Variants in ANO6 observed in about 807,000 individuals in gnomAD.
ANO6 encodes anoctamin 6, also known as anoctamin-6.
A neutral mutation model predicts 117.5 loss-of-function variants in ANO6; 106 were observed. The observed-to-expected ratio is 0.90, with a 90% CI of 0.77 to 1.06. ANO6 has a LOEUF of 1.06. ANO6 is among the 50% of genes least tolerant of loss of function. The probability of loss-of-function intolerance (pLI) is 0.00; values close to 1 mark genes in which losing one functional copy is unlikely to be tolerated. For synonymous variants in ANO6, 367 were observed against 385.1 expected (o/e 0.95, Z 0.55); for missense variants, 955 against 1,121.1 (o/e 0.85, Z 2.12).
At position 45,302,037 on chromosome 12, in the gene ANO6, A is replaced by T. The variant is rs147136935; in HGVS notation, c.94A>T (p.Ile32Phe). 4.9e-4 allele frequency: 790 copies of T among 1,613,926 alleles called. 1 individual carries two copies. In the African/African-American group the frequency reaches 9.2e-3, roughly 19 times the overall value. Reference sequence around the variant, plus strand: ...AGTGTTGGAAAACCTTGGACAGACAATTGTCCCCGATTTGGGATCACTGGA... The same window carrying T: ...AGTGTTGGAAAACCTTGGACAGACATTTGTCCCCGATTTGGGATCACTGGA... Reference protein sequence around the residue: ...DIVLENLGQTIVPDLGSLESQ... With the variant: ...DIVLENLGQTFVPDLGSLESQ... Residue 32 changes from isoleucine to phenylalanine, a missense_variant, in exon 2 of 20, where the codon ATT becomes TTT. Coordinates refer to ENST00000320560, the MANE Select transcript of ANO6 (RefSeq NM_001025356.3).
rs11182983 is a variant in ANO6, at chr12:45,331,006, G to A, written c.151-289G>A. On this transcript the variant is annotated intron_variant, in intron 2 of 19. Coordinates refer to ENST00000320560, the MANE Select transcript of ANO6 (RefSeq NM_001025356.3). ...TTTTCAATCTTGATATGCCTTTGCT[G>A]CTTGAGGTGAAAATAATTCTGGGAT... 0.069 allele frequency among the ~76,000 whole-genome samples: 10,402 copies of A among 151,574 alleles called. 562 individuals are homozygous for A. The highest frequency in any genetic ancestry group is 0.32 in the East Asian group (1,639 of 5,086).
chr12:45,245,142 A>T (rs1159685956), intron 1 of ANO6, among the ~76,000 whole-genome samples: 1 of 152,148 alleles, frequency 6.6e-6, no homozygotes, highest in Non-Finnish European at 1.5e-5. Context: ...GAAATTATGT[A>T]TGTGCCAGTT....
At chr12:45,221,588 A>G (rs1592831489) in intron 1 of ANO6, among the ~76,000 whole-genome samples, 1 of 152,186 alleles carries the variant, frequency 6.6e-6, no homozygotes, top group African/African-American at 2.4e-5. Flanking sequence ...GCTTTTGGAA[A>G]GATCTCCATG....
chr12:45,317,483 G>T (rs1274692751), intron 2 of ANO6, among the ~76,000 whole-genome samples: 9 of 151,638 alleles, frequency 5.9e-5, no homozygotes, highest in Admixed American at 4.0e-4. Flanking sequence ...AGTATTCCAT[G>T]GTGTATATGT....
At chr12:45,376,354 A>G (rs1320612273) in intron 9 of ANO6, among the ~76,000 whole-genome samples, 1 of 133,056 alleles carries the variant, frequency 7.5e-6, no homozygotes, top group Non-Finnish European at 1.6e-5. Flanking sequence ...ATTACTGGGT[A>G]TATACCCAAA....
intron 9 of ANO6, among the ~76,000 whole-genome samples, chr12:45,373,114 A>G (rs1161187103): frequency 6.6e-6 from 1 of 152,000 alleles, no homozygotes; most frequent in African/African-American, 2.4e-5. Flanking sequence ...AGAGACAAAG[A>G]AGGCCATTAC....
At chr12:45,378,412 C>T (rs1942085458) in intron 10 of ANO6, among the ~76,000 whole-genome samples, 1 of 152,100 alleles carries the variant, frequency 6.6e-6, no homozygotes, top group Non-Finnish European at 1.5e-5. Context: ...AGTAAGCTGG[C>T]AGCTCCACTG....
chr12:45,324,933 G>A (rs986684757), intron 2 of ANO6, among the ~76,000 whole-genome samples: 1 of 152,166 alleles, frequency 6.6e-6, no homozygotes, highest in East Asian at 1.9e-4. Context: ...ACTTAGAAAA[G>A]GTGGGCAATT....
At chr12:45,368,759 T>C (rs1941748180) in intron 9 of ANO6, among the ~76,000 whole-genome samples, 1 of 152,236 alleles carries the variant, frequency 6.6e-6, no homozygotes, top group African/African-American at 2.4e-5. Context: ...TAGAACATTG[T>C]AGCCTACTCC....
intron 18 of ANO6, among the ~76,000 whole-genome samples, chr12:45,422,136 T>G (rs1943381289): frequency 6.6e-6 from 1 of 152,194 alleles, no homozygotes; most frequent in Admixed American, 6.5e-5. Flanking sequence ...TCTTCTAGGT[T>G]TAATAGCTTA....
chr12:45,255,923 C>T (rs778766944), intron 1 of ANO6, among the ~76,000 whole-genome samples: 3 of 149,362 alleles, frequency 2.0e-5, no homozygotes, highest in Non-Finnish European at 4.4e-5. Flanking sequence ...TGGGTTCAAG[C>T]AATTCTGCCT....
intron 1 of ANO6, among the ~76,000 whole-genome samples, chr12:45,299,781 G>A (rs191819587): frequency 5.9e-4 from 90 of 152,182 alleles, no homozygotes; most frequent in African/African-American, 1.8e-3. Context: ...GAACCCAGGA[G>A]GCAGAGGTTG....
At chr12:45,252,952 A>T (rs909020757) in intron 1 of ANO6, among the ~76,000 whole-genome samples, 1 of 152,170 alleles carries the variant, frequency 6.6e-6, no homozygotes, top group African/African-American at 2.4e-5. Context: ...ATGGTTCCTG[A>T]CTTACCTGGA....
chr12:45,280,823 A>G (rs1288274280), intron 1 of ANO6, among the ~76,000 whole-genome samples: 1 of 152,148 alleles, frequency 6.6e-6, no homozygotes, highest in African/African-American at 2.4e-5. Flanking sequence ...TCCTCCAAAA[A>G]TGCATATACA....
chr12:45,256,754 A>G (rs1046075811), intron 1 of ANO6: 2 of 152,344 alleles, frequency 1.3e-5, no homozygotes, highest in African/African-American at 2.4e-5. Flanking sequence ...TTGTTCTATT[A>G]TCATCCTTGC....
intron 1 of ANO6, among the ~76,000 whole-genome samples, chr12:45,217,503 C>T (rs564007488): frequency 5.9e-5 from 9 of 152,190 alleles, no homozygotes; most frequent in African/African-American, 1.9e-4. Flanking sequence ...AGGGACAAAT[C>T]GAATAGAGGA....
At chr12:45,371,288 G>A (rs1941826554) in intron 9 of ANO6, among the ~76,000 whole-genome samples, 1 of 152,226 alleles carries the variant, frequency 6.6e-6, no homozygotes, top group Admixed American at 6.5e-5. Context: ...TAGGGGAGGG[G>A]CGCCCGCCAT....
At chr12:45,329,714 A>G (rs1940597603) in intron 2 of ANO6, among the ~76,000 whole-genome samples, 1 of 152,074 alleles carries the variant, frequency 6.6e-6, no homozygotes, top group South Asian at 2.1e-4. Context: ...TCCTGACTAT[A>G]TTCCACTGGA....
At chr12:45,232,027 A>T (rs1947581166) in intron 1 of ANO6, among the ~76,000 whole-genome samples, 1 of 152,234 alleles carries the variant, frequency 6.6e-6, no homozygotes. Flanking sequence ...AGTCATCTTC[A>T]TAAATCAAGC....
Sources: allele counts gnomAD v4.1 joint callset (sites outside exome capture counted in the v4.1 genomes callset), GRCh38; gene constraint gnomAD v4.1.1; transcripts MANE v1.5; gene names NCBI Gene and HGNC (gene_info 2026-07-23, HGNC 2026-07-21).